The following CD27 variants were observed in gnomAD, a reference collection of about 807,000 sequenced individuals.
CD27 encodes the protein CD27 antigen.
In CD27, 16 loss-of-function variants were observed where a neutral mutation model predicts 25.9. The observed-to-expected ratio is 0.62, with a 90% CI of 0.42 to 0.94. The LOEUF is 0.94. Ranked by LOEUF, CD27 falls within the 40% of genes least tolerant of loss-of-function variation. The pLI is 0.00. For synonymous variants in CD27, 142 were observed against 124.3 expected, an observed-to-expected ratio of 1.14 and a Z score of -0.95; for missense variants, 300 against 333.2, an observed-to-expected ratio of 0.90 and a Z score of 0.78.
In CD27 at chr12:6,450,329, C is replaced by T. The variant is rs756058870; in HGVS notation, c.425C>T (p.Pro142Leu). 2 of 1,612,780 alleles carry T rather than the reference C, an allele frequency of 1.2e-6. No individual in the cohort carries two copies. The highest frequency in any genetic ancestry group is 2.2e-5 in the East Asian group (1 of 44,888). Residue 142 changes from proline to leucine, a missense_variant, in exon 3 of 6, where the codon CCC (proline) becomes CTC (leucine). Physicochemically the swap from Pro to Leu is moderately conservative, Grantham distance 98 (BLOSUM62 -3). Coordinates refer to ENST00000266557, the MANE Select transcript of CD27 (RefSeq NM_001242.5). This position sits in a 1 kb window ranked among gnomAD's most constrained non-coding sequence, Gnocchi z 4.1. ...SSQALSPHPQ[P>L]THLPYVSEML... ...CAGGCCCTGAGCCCACACCCTCAGC[C>T]CACCCACTTACCTTATGTCAGTGGT...
chr12:6,450,522 T>C lies in CD27; in HGVS notation c.449-19T>C. On this transcript the variant is annotated intron_variant, in intron 3 of 5. Transcript: ENST00000266557. This position sits in a 1 kb window ranked among gnomAD's most constrained non-coding sequence, Gnocchi z 4.1. ...TATGGGGTCCCCTGCTGCTACTCAT[T>C]CTGTCTCTGTTTTTCCAGAGATGCT... The C allele has an allele frequency of 6.2e-7, 1 of 1,611,294 alleles. No homozygotes were observed. Among genetic ancestry groups the C allele is most frequent in the Non-Finnish European group, 8.5e-7 (1 of 1,178,234 alleles).
intron 2 of CD27, among the ~76,000 whole-genome samples, chr12:6,448,451 G>A (rs1949453798): frequency 6.6e-6 from 1 of 151,944 alleles, no homozygotes; most frequent in Admixed American, 6.6e-5. Context: ...CAGCCACCCA[G>A]CATCGGACCT....
chr12:6,450,920 T>C lies in CD27; in HGVS notation c.564T>C (p.Asp188=). 2 of 1,614,166 alleles carry C rather than the reference T, an allele frequency of 1.2e-6. No homozygotes were observed. Among genetic ancestry groups the C allele is most frequent in the Non-Finnish European group, 1.7e-6 (2 of 1,180,016 alleles). ...WPPQRSLCSS[D]FIRILVIFSG... ...CCCAAAGATCCCTGTGCAGCTCCGA[T>C]TTTATTCGCATCCTTGTGATCTTCT... The change falls in exon 5 of 6, where the codon GAT becomes GAC. Residue 188 remains aspartate, a synonymous_variant. Transcript: ENST00000266557. This position sits in a 1 kb window ranked among gnomAD's most constrained non-coding sequence, Gnocchi z 4.1.
In CD27 at chr12:6,445,221, G is replaced by A; in HGVS notation, c.126G>A (p.Met42Ile). 6.2e-7 allele frequency: 1 copy of A among 1,614,076 alleles called. No individual in the cohort carries two copies. The highest frequency in any genetic ancestry group is 8.5e-7 in the Non-Finnish European group (1 of 1,179,998). ...CTCAGGGAAAGCTGTGCTGCCAGAT[G>A]TGTGAGCCAGGTAAGAGGGGGCCTT... ...YWAQGKLCCQ[M>I]CEPGTFLVKD... Residue 42 changes from methionine (M) to isoleucine (I), a missense_variant, in exon 1 of 6, where the codon ATG (methionine) becomes ATA (isoleucine). Physicochemically the swap from Met to Ile is conservative, Grantham distance 10. Transcript: ENST00000266557. The surrounding 1 kb of genome is among the most constrained non-coding windows in gnomAD (Gnocchi z 4.5).
At chr12:6,446,638 G>A (rs1949419867) in intron 2 of CD27, among the ~76,000 whole-genome samples, 1 of 151,862 alleles carries the variant, frequency 6.6e-6, no homozygotes, top group African/African-American at 2.4e-5. Context: ...AAAATTGGCT[G>A]GTCATGGTAG....
chr12:6,445,033 G>T lies in CD27; in HGVS notation c.-63G>T, dbSNP rs1474499542. 1.3e-6 allele frequency: 2 copies of T among 1,509,504 alleles called. No homozygotes were observed. The highest frequency in any genetic ancestry group is 2.8e-5 in the African/African-American group (2 of 71,216). 93.5% of individuals were successfully genotyped at this position (1,509,504 alleles called of 1,614,324 possible). ...AGAGACAGCAGCGCCCAGCTTGGAG[G>T]TGCTAACTCCAGAGGCCAGCATCAG... On this transcript the variant is annotated 5_prime_UTR_variant, in exon 1 of 6. Transcript: ENST00000266557. The surrounding 1 kb of genome is among the most constrained non-coding windows in gnomAD (Gnocchi z 4.5).
chr12:6,451,176 C>G lies in CD27; in HGVS notation c.659-92C>G. The G allele has an allele frequency of 1.2e-5, 19 of 1,545,334 alleles. 1 individual carries two copies. In the South Asian group the frequency reaches 2.3e-4, roughly 19 times the overall value. ...CTTAGCTGGCGTGCTCCTGACACCC[C>G]TCCCCCAAGCGCACCCGCCTCTACC... On this transcript the variant is annotated intron_variant, in intron 5 of 5. Transcript: ENST00000266557.
At chr12:6,446,208 C>CT (rs1324180369) in intron 2 of CD27, among the ~76,000 whole-genome samples, 1 of 152,192 alleles carries the variant, frequency 6.6e-6, no homozygotes. Context: ...CAAATGTTCT[C>CT]TAGCAAGACA....
Position 6,445,279 on chromosome 12 carries a change from G to T in CD27, c.136+48G>T. 3.1e-6 allele frequency: 5 copies of T among 1,612,104 alleles called. No individual in the cohort carries two copies. Among genetic ancestry groups the T allele is most frequent in the Non-Finnish European group, 4.2e-6 (5 of 1,179,320 alleles). ...GCCAGGTGAGTGGCGAAAGAGAGAG[G>T]ACTGGGGTTAATACAGTAAATAGGC... On this transcript the variant is annotated intron_variant, in intron 1 of 5. Transcript: ENST00000266557. The surrounding 1 kb of genome is among the most constrained non-coding windows in gnomAD (Gnocchi z 4.5).
At chr12:6,449,188 G>A (rs1382165069) in intron 2 of CD27, among the ~76,000 whole-genome samples, 1 of 151,960 alleles carries the variant, frequency 6.6e-6, no homozygotes, top group Non-Finnish European at 1.5e-5. Flanking sequence ...GTAGAGACGG[G>A]GTTTCACCAT....
At position 6,450,293 on chromosome 12, in the gene CD27, C is replaced by T. The variant is rs377343532; in HGVS notation, c.389C>T (p.Ala130Val). The part of the protein sequence containing the change: ...CDPLPNPSLT[A>V]RSSQALSPHP... ...CCTCTTCCAAACCCTTCGCTGACCG[C>T]TCGGTCGTCTCAGGCCCTGAGCCCA... The change falls in exon 3 of 6, where the codon GCT (alanine) becomes GTT (valine). Residue 130 changes from alanine (A) to valine (V), a missense_variant. By Grantham distance (64) the Ala-to-Val change is moderately conservative (BLOSUM62 0). Transcript: ENST00000266557. The surrounding 1 kb of genome is among the most constrained non-coding windows in gnomAD (Gnocchi z 4.1). The T allele has an allele frequency of 1.1e-5, 17 of 1,613,790 alleles. No individual in the cohort carries two copies. Among genetic ancestry groups the T allele is most frequent in the Non-Finnish European group, 1.4e-5 (17 of 1,180,008 alleles).
At chr12:6,451,100 T>C (rs1211865507) in intron 5 of CD27, 86 bp downstream of exon 5, 5 of 1,589,002 alleles carry the variant, frequency 3.1e-6, no homozygotes, top group Non-Finnish European at 4.3e-6. Flanking sequence ...GGAATCTCAC[T>C]GAAACCCACC....
chr12:6,443,980 G>A (rs1395049501), upstream of CD27, among the ~76,000 whole-genome samples: 1 of 152,140 alleles, frequency 6.6e-6, no homozygotes, highest in Non-Finnish European at 1.5e-5. Flanking sequence ...CCAATATCCC[G>A]AAATCAGTCT....
Position 6,451,406 on chromosome 12 carries a change from G to T in CD27, c.*14G>T, listed in dbSNP as rs1309461021. The T allele has an allele frequency of 1.9e-6, 3 of 1,611,138 alleles. No homozygotes were observed. The highest frequency in any genetic ancestry group is 1.3e-5 in the African/African-American group (1 of 74,880). On this transcript the variant is annotated 3_prime_UTR_variant, in exon 6 of 6. Coordinates refer to ENST00000266557, the MANE Select transcript of CD27 (RefSeq NM_001242.5). ...TGCTCCCCCTGAGCCAGCACCTGCG[G>T]GAGCTGCACTACAGCCCTGGCCTCC...
upstream of CD27, among the ~76,000 whole-genome samples, chr12:6,444,091 C>G (rs904053639): frequency 6.6e-6 from 1 of 152,124 alleles, no homozygotes; most frequent in African/African-American, 2.4e-5. Context: ...CCAGGCGATC[C>G]AGGACACCAG....
At position 6,445,600 on chromosome 12, in the gene CD27, C is replaced by T. The variant is rs2136960903; in HGVS notation, c.268+45C>T. ...GTAGGTGGGGACGATGGACAAGCAT[C>T]TGGGGGAGCAAGGCTGGTGACGGGT... On this transcript the variant is annotated intron_variant, in intron 2 of 5. Coordinates refer to ENST00000266557, the MANE Select transcript of CD27 (RefSeq NM_001242.5). The surrounding 1 kb of genome is among the most constrained non-coding windows in gnomAD (Gnocchi z 4.5). The T allele has an allele frequency of 6.2e-7, 1 of 1,601,834 alleles. No individual in the cohort carries two copies. Among genetic ancestry groups the T allele is most frequent in the Non-Finnish European group, 8.5e-7 (1 of 1,175,466 alleles).
chr12:6,450,006 AT>A lies in CD27; in HGVS notation c.269-165del, dbSNP rs1476429007. Among the ~76,000 whole-genome samples, 1 of 152,118 alleles carries A rather than the reference AT, an allele frequency of 6.6e-6. No individual in the cohort carries two copies. The highest frequency in any genetic ancestry group is 1.5e-5 in the Non-Finnish European group (1 of 67,998). ...TAATAACAATAATAATGGCAAAGGC[AT>A]TGGGGGACCGTGAGCAAAGGGCAGG... On this transcript the variant is annotated intron_variant, in intron 2 of 5. Coordinates refer to ENST00000266557, the MANE Select transcript of CD27 (RefSeq NM_001242.5). The surrounding 1 kb of genome is among the most constrained non-coding windows in gnomAD (Gnocchi z 4.1).
chr12:6,450,651 C>T lies in CD27; in HGVS notation c.538+21C>T. The T allele has an allele frequency of 6.2e-7, 1 of 1,602,526 alleles. No homozygotes were observed. Among genetic ancestry groups the T allele is most frequent in the Non-Finnish European group, 8.5e-7 (1 of 1,173,094 alleles). Reference sequence around the variant, plus strand: ...GCCACGTGAGTTTTCTCCTTAATCCCCACCGCTAGAGAGAATGCATACACG... The same window carrying T: ...GCCACGTGAGTTTTCTCCTTAATCCTCACCGCTAGAGAGAATGCATACACG... On this transcript the variant is annotated intron_variant, in intron 4 of 5. Transcript: ENST00000266557. This position sits in a 1 kb window ranked among gnomAD's most constrained non-coding sequence, Gnocchi z 4.1.
chr12:6,451,080 G>A (rs2136970646), intron 5 of CD27, 66 bp downstream of exon 5: 1 of 1,605,260 alleles, frequency 6.2e-7, no homozygotes, highest in South Asian at 1.1e-5. Context: ...CAACCCCACT[G>A]CCCACGCCTG....
Sources: gnomAD v4.1 joint callset for allele counts (sites outside exome capture counted in the v4.1 genomes callset) on GRCh38, gnomAD v4.1.1 for gene constraint, Gnocchi (gnomAD v3.1) non-coding constraint, MANE v1.5 for transcripts, NCBI Gene and HGNC (gene_info 2026-07-23, HGNC 2026-07-21) for gene names.